Variants in PDE1C observed in about 807,000 individuals in gnomAD.
PDE1C encodes phosphodiesterase 1C.
Under a neutral mutation model 93.1 loss-of-function variants are expected in PDE1C, and 62 were observed. That is an observed-to-expected ratio of 0.67 (90% CI 0.54 to 0.82). The LOEUF (loss-of-function observed/expected upper bound fraction) is 0.82, where lower values mean the gene tolerates loss of function less well. Among genes scored for constraint, PDE1C ranks in the 40% least tolerant of loss-of-function variants. The pLI is 0.00. For synonymous variants in PDE1C, 325 were observed against 310.1 expected (o/e 1.05, Z -0.50); for missense variants, 742 against 884.6 (o/e 0.84, Z 2.04).
At position 32,005,578 on chromosome 7, in the gene PDE1C, A is replaced by AAAAAAAAAAAAAAAAAC. The variant is rs1204630246; in HGVS notation, c.128+45975_128+45976insGTTTTTTTTTTTTTTTT. On this transcript the variant is annotated intron_variant, in intron 2 of 17. Transcript: ENST00000396191. ...TTCAAAAAAAAAAAAAAAAAAAAAA[A>AAAAAAAAAAAAAAAAAC]AAAGAATTGTGATCTGAGAAATCAC... 8.0e-4 allele frequency among the ~76,000 whole-genome samples: 83 copies of AAAAAAAAAAAAAAAAAC among 103,784 alleles called. 14 individuals are homozygous for AAAAAAAAAAAAAAAAAC. The highest frequency in any genetic ancestry group is 1.1e-3 in the Non-Finnish European group (57 of 49,892). The allele number at this position is 103,784 out of a possible 152,430, so 68.1% of individuals were successfully genotyped here.
rs1791348199 is a variant in PDE1C at position 31,838,042 on chromosome 7, T to C, written c.981-71A>G. 10 of 964,486 alleles carry C rather than the reference T, an allele frequency of 1.0e-5. No homozygotes were observed. In the South Asian group the frequency reaches 1.4e-4, roughly 13 times the overall value. 59.7% of individuals were successfully genotyped at this position (964,486 alleles called of 1,614,324 possible). A position where few individuals can be genotyped will look rare whatever the true frequency, so the allele number is the denominator to read the frequency against. ...GAAAGTAAAAATCAGTGTTTTTTTT[T>C]TGCCACTGCTAATGAAAATCAGTCA... On this transcript the variant is annotated intron_variant, in intron 9 of 17. Coordinates refer to ENST00000396191, the MANE Select transcript of PDE1C (RefSeq NM_001191057.4).
At chr7:31,873,510 T>A (rs1796183365) in intron 5 of PDE1C, 102 bp from the exon 6 acceptor site, 1 of 716,654 alleles carries the variant, frequency 1.4e-6, no homozygotes, top group African/African-American at 1.8e-5. Context: ...CACTGGAGAT[T>A]TCACAGTGTG....
At chr7:31,839,494 T>A (rs941876125) in intron 9 of PDE1C, among the ~76,000 whole-genome samples, 1 of 152,108 alleles carries the variant, frequency 6.6e-6, no homozygotes, top group East Asian at 1.9e-4. Context: ...TTCATCTATA[T>A]AGTGGTTCAT....
At chr7:32,253,332 T>C (rs1809526660) in intron 1 of PDE1C, among the ~76,000 whole-genome samples, 1 of 152,192 alleles carries the variant, frequency 6.6e-6, no homozygotes. Context: ...ACAAGATCTT[T>C]TTTGTTGCTT....
chr7:32,313,519 A>G (rs550625967), intron 1 of PDE1C, among the ~76,000 whole-genome samples: 18 of 152,182 alleles, frequency 1.2e-4, no homozygotes, highest in African/African-American at 4.3e-4. Flanking sequence ...TCCAACAACG[A>G]TAGACTGGAT....
rs146456783 is a variant in PDE1C, at chr7:32,391,342, TAC to T, written c.310+36478_310+36479del. On this transcript the variant is annotated intron_variant, in intron 1 of 1. Transcript: ENST00000672256. Reference sequence around the variant, plus strand: ...TACATACCTAACAACAAAGCCCCAATACACATGAAGCAAAAATTGACAGAATT... The same window carrying T: ...TACATACCTAACAACAAAGCCCCAATACATGAAGCAAAAATTGACAGAATT... 5.1e-3 allele frequency among the ~76,000 whole-genome samples: 774 copies of T among 152,000 alleles called. 4 individuals are homozygous for T. Among genetic ancestry groups the T allele is most frequent in the South Asian group, 0.023 (110 of 4,818 alleles).
chr7:31,717,889 G>A, the PDE1C span, among the ~76,000 whole-genome samples: 5 of 152,224 alleles, frequency 3.3e-5, no homozygotes, highest in Admixed American at 1.3e-4. Flanking sequence ...TGAAATGGAC[G>A]TCAGAGTCTT....
chr7:32,253,848 G>A (rs1003953451), intron 1 of PDE1C, among the ~76,000 whole-genome samples: 3 of 152,188 alleles, frequency 2.0e-5, no homozygotes, highest in Admixed American at 2.0e-4. Context: ...CAGAGAATTT[G>A]ATCAGAGATC....
At chr7:31,687,710 T>A in the PDE1C span, among the ~76,000 whole-genome samples, 67 of 152,280 alleles carry the variant, frequency 4.4e-4, no homozygotes, top group Middle Eastern at 3.4e-3. Flanking sequence ...AATGAACAAA[T>A]CTGATTTTAA....
chr7:32,293,839 A>T (rs898762458), intron 1 of PDE1C, among the ~76,000 whole-genome samples: 7 of 152,138 alleles, frequency 4.6e-5, no homozygotes, highest in Non-Finnish European at 1.0e-4. Context: ...ACTCCCAACC[A>T]GGTGTAAAAG....
chr7:31,965,136 G>T (rs1296196307), intron 2 of PDE1C, among the ~76,000 whole-genome samples: 1 of 152,088 alleles, frequency 6.6e-6, no homozygotes, highest in East Asian at 1.9e-4. Context: ...GAGAGAAGAA[G>T]GCTTCAGAAG....
rs73686823 is a variant in PDE1C at position 31,924,757 on chromosome 7, A to T, written c.129-43897T>A. On this transcript the variant is annotated intron_variant, in intron 2 of 17. Coordinates refer to ENST00000396191, the MANE Select transcript of PDE1C (RefSeq NM_001191057.4). ...CTGTTCTGCTGCTGGAACCAACTGG[A>T]GAGTCCAAAGCATCACATTTTTCCC... Among the ~76,000 whole-genome samples, 848 of 152,290 alleles carry T rather than the reference A, an allele frequency of 5.6e-3. 7 individuals carry two copies. Among genetic ancestry groups the T allele is most frequent in the African/African-American group, 0.019 (808 of 41,560 alleles).
chr7:32,216,911 C>A (rs533683804), intron 1 of PDE1C, among the ~76,000 whole-genome samples: 1 of 152,218 alleles, frequency 6.6e-6, no homozygotes, highest in African/African-American at 2.4e-5. Flanking sequence ...AGCCTTTATG[C>A]CTCTAGCCCC....
chr7:32,226,063 G>GA lies in PDE1C; in HGVS notation c.86-16525dup, dbSNP rs559384569. 3.0e-3 allele frequency among the ~76,000 whole-genome samples: 444 copies of GA among 150,198 alleles called. 2 individuals carry two copies. The highest frequency in any genetic ancestry group is 4.0e-3 in the Non-Finnish European group (268 of 67,440). On this transcript the variant is annotated intron_variant, in intron 1 of 18. Coordinates refer to the PDE1C transcript ENST00000396193. ...ATATAGCGAGACTCCATCTCAAAAA[G>GA]AAAAAAAAAGGAAAGAAAGTTGCTT...
chr7:31,722,348 A>T, the PDE1C span, among the ~76,000 whole-genome samples: 1 of 152,238 alleles, frequency 6.6e-6, no homozygotes, highest in Non-Finnish European at 1.5e-5. Context: ...TTCTCCTGAT[A>T]TAAAATGTAA....
rs376230180 is a variant in PDE1C, at chr7:31,866,530, G to A, written c.610-1448C>T. On this transcript the variant is annotated intron_variant, in intron 6 of 17. Transcript: ENST00000396191. ...ATTTCCGATGCAAAGAAAAATTAAG[G>A]ACCTAAGGACCATGGCCATGAAGTA... Among the ~76,000 whole-genome samples the A allele has an allele frequency of 2.0e-4, 31 of 152,156 alleles. 1 individual carries two copies. The highest frequency in any genetic ancestry group is 7.2e-4 in the Admixed American group (11 of 15,278).
chr7:32,140,694 G>C (rs1800470307), intron 3 of PDE1C, among the ~76,000 whole-genome samples: 1 of 152,202 alleles, frequency 6.6e-6, no homozygotes, highest in Admixed American at 6.5e-5. Context: ...GATTGGGGCT[G>C]TTACAAGACA....
At chr7:31,643,541 T>C in the PDE1C span, 1 of 1,614,038 alleles carries the variant, frequency 6.2e-7, no homozygotes, top group Non-Finnish European at 8.5e-7. Flanking sequence ...CAGAGGGCTG[T>C]GGCCTTGGGG....
chr7:32,157,384 G>A (rs1360914067), intron 3 of PDE1C, among the ~76,000 whole-genome samples: 6 of 152,092 alleles, frequency 3.9e-5, no homozygotes, highest in East Asian at 1.9e-4. Flanking sequence ...GGACATCCCC[G>A]TTACCCTGAT....
Sources: gnomAD v4.1 joint callset for allele counts (sites outside exome capture counted in the v4.1 genomes callset) on GRCh38, gnomAD v4.1.1 for gene constraint, MANE v1.5 for transcripts, NCBI Gene and HGNC (gene_info 2026-07-23, HGNC 2026-07-21) for gene names.